NAE1: variants seen among roughly 807,000 people sequenced by gnomAD.
The protein encoded by NAE1 is NEDD8-activating enzyme E1 regulatory subunit.
Under a neutral mutation model 88.0 loss-of-function variants are expected in NAE1, and 59 were observed. That is an observed-to-expected ratio of 0.67 (90% confidence interval 0.54 to 0.83). NAE1 has a LOEUF of 0.83. NAE1 is among the 40% of genes least tolerant of loss of function. The pLI is 0.00. For synonymous variants in NAE1, 186 were observed against 208.9 expected (o/e 0.89, Z 0.95); for missense variants, 554 against 632.8 (o/e 0.88, Z 1.34).
intron 11 of NAE1, among the ~76,000 whole-genome samples, chr16:66,815,166 T>G (rs1477063835): frequency 6.6e-6 from 1 of 152,206 alleles, no homozygotes; most frequent in Admixed American, 6.5e-5. Flanking sequence ...TGCATTTTTA[T>G]CTGTTTATTT....
At position 66,806,034 on chromosome 16, in the gene NAE1, T is replaced by C; in HGVS notation, c.1331-8A>G. 1 of 1,596,214 alleles carries C rather than the reference T, an allele frequency of 6.3e-7. No individual in the cohort carries two copies. Among genetic ancestry groups the C allele is most frequent in the African/African-American group, 1.4e-5 (1 of 74,044 alleles). ...CTTGATAGTTAGATACTCCTAAAAA[T>C]AAAAGTTAGTTTTCATTAAAATAAA... On this transcript the variant is annotated splice_polypyrimidine_tract_variant and splice_region_variant and intron_variant, in intron 17 of 19. Coordinates refer to ENST00000290810, the MANE Select transcript of NAE1 (RefSeq NM_003905.4).
At chr16:66,809,186 A>G (rs112139494) in intron 15 of NAE1, 111 bp from the exon 16 acceptor site, 1 of 648,708 alleles carries the variant, frequency 1.5e-6, no homozygotes. Flanking sequence ...CAGACATGAG[A>G]ATGTGAAGAA....
intron 1 of NAE1, among the ~76,000 whole-genome samples, chr16:66,830,469 C>G (rs1305296047): frequency 6.6e-6 from 1 of 152,234 alleles, no homozygotes; most frequent in Non-Finnish European, 1.5e-5. Flanking sequence ...TTCCATTGGA[C>G]AGCGCTGGCT....
chr16:66,823,076 CAA>C (rs776599321), intron 6 of NAE1, 149 bp downstream of exon 6: 4,032 of 149,608 alleles, frequency 0.027, no homozygotes, highest in East Asian at 0.043. Flanking sequence ...AGCTCAAGCT[CAA>C]AAAAAAAAAA....
At chr16:66,807,457 C>T (rs892159477) in intron 17 of NAE1, among the ~76,000 whole-genome samples, 1 of 151,858 alleles carries the variant, frequency 6.6e-6, no homozygotes, top group Non-Finnish European at 1.5e-5. Flanking sequence ...CTGGCCAACA[C>T]GGAGAAACCC....
At chr16:66,823,437 C>T in intron 5 of NAE1, 92 bp downstream of exon 5, 1 of 1,330,668 alleles carries the variant, frequency 7.5e-7, no homozygotes, top group South Asian at 1.3e-5. Flanking sequence ...TCATAAATGA[C>T]ACAAAGATTC....
At chr16:66,810,326 G>T in intron 15 of NAE1, 48 bp downstream of exon 15, 1 of 1,436,812 alleles carries the variant, frequency 7.0e-7, no homozygotes, top group Non-Finnish European at 9.8e-7. Context: ...ATTCCCTGTG[G>T]CACATTTCTA....
At chr16:66,806,756 T>C (rs966561821) in intron 17 of NAE1, among the ~76,000 whole-genome samples, 1 of 152,214 alleles carries the variant, frequency 6.6e-6, no homozygotes, top group African/African-American at 2.4e-5. Flanking sequence ...TGCTGGACAC[T>C]GTTCTAAGGA....
At position 66,803,080 on chromosome 16, in the gene NAE1, G is replaced by T. The variant is rs1333438274; in HGVS notation, c.1534C>A (p.Gln512Lys). The T allele has an allele frequency of 1.9e-6, 3 of 1,612,122 alleles. No homozygotes were observed. Among genetic ancestry groups the T allele is most frequent in the Non-Finnish European group, 2.5e-6 (3 of 1,179,058 alleles). Residue 512 changes from glutamine (Q) to lysine (K), a missense_variant, in exon 20 of 20, where the codon CAA (glutamine) becomes AAA (lysine). Coordinates refer to ENST00000290810, the MANE Select transcript of NAE1 (RefSeq NM_003905.4). ...AQEVIKIITK[Q>K]FVIFNNTYIY... ...TAAGTATTATTAAAAATTACAAATT[G>T]TTTGGTGATTATTTTGATGACCTCT...
intron 1 of NAE1, chr16:66,827,869 T>C: frequency 1.1e-6 from 1 of 892,328 alleles, no homozygotes; most frequent in Non-Finnish European, 1.7e-6. Flanking sequence ...TTTTTGTTTT[T>C]GATACAGGGT....
At position 66,805,781 on chromosome 16, in the gene NAE1, C is replaced by A; in HGVS notation, c.1491G>T (p.Leu497Phe). 2 of 1,493,430 alleles carry A rather than the reference C, an allele frequency of 1.3e-6. No homozygotes were observed. Among genetic ancestry groups the A allele is most frequent in the Non-Finnish European group, 1.8e-6 (2 of 1,126,308 alleles). The allele number at this position is 1,493,430 out of a possible 1,614,324, so 92.5% of individuals were successfully genotyped here. A position where few individuals can be genotyped will look rare whatever the true frequency, so the allele number is the denominator to read the frequency against. ...CTTCTCATATATGGAACTCACCCCC[C>A]AAGAATGCAGCAATGGTATGTGGCT... The part of the protein sequence containing the change: ...AAEPHTIAAF[L>F]GGAAAQEVIK... The change falls in exon 19 of 20, where the codon TTG becomes TTT. Residue 497 changes from leucine (L) to phenylalanine (F), a missense_variant. By Grantham distance (22) the Leu-to-Phe change is conservative. Transcript: ENST00000290810.
chr16:66,809,919 C>G (rs1341357745), intron 15 of NAE1, among the ~76,000 whole-genome samples: 1 of 152,106 alleles, frequency 6.6e-6, no homozygotes, highest in East Asian at 1.9e-4. Flanking sequence ...ACTGAGAAGA[C>G]TCCTACGAAC....
In NAE1 at chr16:66,829,512, T is replaced by C. The variant is rs145912858; in HGVS notation, c.53+1335A>G. Among the ~76,000 whole-genome samples, 432 of 152,284 alleles carry C rather than the reference T, an allele frequency of 2.8e-3. 2 individuals carry two copies. The highest frequency in any genetic ancestry group is 9.1e-3 in the African/African-American group (378 of 41,542). On this transcript the variant is annotated intron_variant, in intron 1 of 19. Transcript: ENST00000290810. The stretch of plus-strand genomic sequence containing the variant: ...TTCTCCAACTGTAAAGCACAGGAAA[T>C]GGTTGCTTTCAAGGGTACTCTCAGA...
In NAE1 at chr16:66,810,401, T is replaced by A. The variant is rs751267358; in HGVS notation, c.1123A>T (p.Ile375Phe). The A allele has an allele frequency of 4.8e-5, 77 of 1,600,604 alleles. No individual in the cohort carries two copies. The highest frequency in any genetic ancestry group is 6.4e-5 in the Non-Finnish European group (75 of 1,170,638). Reference protein sequence around the residue: ...LQSIGQAPESISEKELKLLCS... With the variant: ...LQSIGQAPESFSEKELKLLCS... ...AGTAATTTTAATTCTTTCTCTGAAA[T>A]GGACTCTGGTGCCTGTAAAGAGATA... is the stretch of plus-strand genomic sequence containing the variant. Residue 375 changes from isoleucine to phenylalanine, a missense_variant, in exon 15 of 20, where the codon ATT becomes TTT. Transcript: ENST00000290810.
At chr16:66,822,135 G>A (rs1413159155) in intron 6 of NAE1, among the ~76,000 whole-genome samples, 2 of 152,106 alleles carry the variant, frequency 1.3e-5, no homozygotes, top group African/African-American at 4.8e-5. Context: ...GGTTCTGCTG[G>A]AATTACAGGC....
intron 15 of NAE1, among the ~76,000 whole-genome samples, chr16:66,809,701 G>A (rs1465992627): frequency 2.6e-5 from 4 of 152,032 alleles, no homozygotes; most frequent in African/African-American, 4.8e-5. Context: ...CATTAAAACC[G>A]AGCCTAAACA....
chr16:66,810,537 A>C, intron 14 of NAE1, 124 bp from the exon 15 acceptor site: 1 of 1,129,742 alleles, frequency 8.9e-7, no homozygotes, highest in Non-Finnish European at 1.3e-6. Context: ...GCACTTTAAA[A>C]ATATCTTGTT....
chr16:66,816,818 G>A (rs1960060779), intron 10 of NAE1, 146 bp from the exon 11 acceptor site: 2 of 1,330,390 alleles, frequency 1.5e-6, no homozygotes, highest in Admixed American at 5.6e-5. Flanking sequence ...AACTATACAA[G>A]GCGTGGCTTC....
chr16:66,823,355 A>G (rs1442959393), intron 5 of NAE1, 49 bp from the exon 6 acceptor site: 4 of 1,461,530 alleles, frequency 2.7e-6, no homozygotes, highest in Non-Finnish European at 3.7e-6. Context: ...CCAATTTCAC[A>G]ATCATATTAA....
Sources: allele counts gnomAD v4.1 joint callset (sites outside exome capture counted in the v4.1 genomes callset), GRCh38; gene constraint gnomAD v4.1.1; transcripts MANE v1.5; gene names NCBI Gene and HGNC (gene_info 2026-07-23, HGNC 2026-07-21).